PDE7B: variants seen among roughly 807,000 people sequenced by gnomAD.
PDE7B encodes 3',5'-cyclic-AMP phosphodiesterase 7B.
In PDE7B, 29 loss-of-function variants were observed where a neutral mutation model predicts 56.2. That is an observed-to-expected ratio of 0.52 (90% CI 0.38 to 0.70). The LOEUF (loss-of-function observed/expected upper bound fraction) is 0.70. Among genes scored for constraint, PDE7B ranks in the 30% least tolerant of loss-of-function variants. The pLI, the probability that PDE7B is intolerant of heterozygous loss-of-function variation, is 0.00. For missense variants in PDE7B, 490 were observed against 565.0 expected, an observed-to-expected ratio of 0.87 and a Z score of 1.35; for synonymous variants, 197 against 196.9, an observed-to-expected ratio of 1.00 and a Z score of 0.00.
At chr6:136,052,510 A>G (rs906771205) in intron 2 of PDE7B, among the ~76,000 whole-genome samples, 1 of 152,066 alleles carries the variant, frequency 6.6e-6, no homozygotes, top group African/African-American at 2.4e-5. Context: ...AGGAGTTCCA[A>G]CTGGGGCCCA....
At position 136,050,039 on chromosome 6, in the gene PDE7B, G is replaced by A. The variant is rs1359485339; in HGVS notation, c.83-58692G>A. On this transcript the variant is annotated intron_variant, in intron 2 of 12. Transcript: ENST00000308191. ...TTGACTGCACAAGGGCCAACTCGAG[G>A]TCCCTTGACATCCAGCCATGCCATT... Among the ~76,000 whole-genome samples, 10 of 152,068 alleles carry A rather than the reference G, an allele frequency of 6.6e-5. 2 individuals carry two copies. The South Asian group carries it at 1.7e-3, about 25-fold the overall frequency.
chr6:136,128,448 C>T (rs1176780014), intron 3 of PDE7B, among the ~76,000 whole-genome samples: 5 of 152,064 alleles, frequency 3.3e-5, no homozygotes, highest in Non-Finnish European at 5.9e-5. Flanking sequence ...ACTTGTTACA[C>T]GTGTTTTACT....
chr6:136,028,963 A>G (rs1229516441), intron 2 of PDE7B, among the ~76,000 whole-genome samples: 1 of 152,218 alleles, frequency 6.6e-6, no homozygotes. Context: ...TATGACTTCC[A>G]CAGAAATTTT....
At chr6:136,069,547 C>A (rs758360726) in intron 2 of PDE7B, among the ~76,000 whole-genome samples, 3 of 152,170 alleles carry the variant, frequency 2.0e-5, no homozygotes, top group Non-Finnish European at 4.4e-5. Context: ...TATAAATGTG[C>A]AGAGTTTTTA....
intron 2 of PDE7B, among the ~76,000 whole-genome samples, chr6:136,018,920 C>T (rs988183768): frequency 2.0e-5 from 3 of 152,030 alleles, no homozygotes; most frequent in African/African-American, 4.8e-5. Context: ...TGTGGCCAAG[C>T]ATCTCCCATG....
chr6:136,053,055 C>T (rs1399324139), intron 2 of PDE7B, among the ~76,000 whole-genome samples: 1 of 152,098 alleles, frequency 6.6e-6, no homozygotes, highest in Non-Finnish European at 1.5e-5. Flanking sequence ...TTAATGGACT[C>T]ACATTTTTTT....
chr6:135,879,031 T>A (rs1039855194), intron 1 of PDE7B, among the ~76,000 whole-genome samples: 14 of 152,138 alleles, frequency 9.2e-5, no homozygotes, highest in African/African-American at 2.9e-4. Context: ...TTTACCCATG[T>A]AAAATTTTAT....
intron 2 of PDE7B, among the ~76,000 whole-genome samples, chr6:135,972,401 C>T (rs1775110222): frequency 6.6e-6 from 1 of 151,984 alleles, no homozygotes; most frequent in Non-Finnish European, 1.5e-5. Flanking sequence ...AATCCAAGTT[C>T]ATGTGATTTT....
intron 2 of PDE7B, among the ~76,000 whole-genome samples, chr6:135,963,451 A>G (rs532403928): frequency 6.6e-6 from 1 of 152,306 alleles, no homozygotes; most frequent in South Asian, 2.1e-4. Flanking sequence ...TGAGTGTCCT[A>G]ATGTCTGCCT....
Position 136,153,175 on chromosome 6 carries a change from A to T in PDE7B, c.479-900A>T, listed in dbSNP as rs1778549715. Among the ~76,000 whole-genome samples, 4 of 152,188 alleles carry T rather than the reference A, an allele frequency of 2.6e-5. No individual in the cohort carries two copies. In the South Asian group the frequency reaches 8.3e-4, roughly 32 times the overall value. On this transcript the variant is annotated intron_variant, in intron 6 of 12. Coordinates refer to ENST00000308191, the MANE Select transcript of PDE7B (RefSeq NM_018945.4). ...CCATGCATAGGGCCAAATAATTTTG[A>T]TTTGTCTGAAAAGGGAGATACAGAT...
chr6:136,142,167 C>T (rs1404445518), intron 3 of PDE7B, among the ~76,000 whole-genome samples: 8 of 151,982 alleles, frequency 5.3e-5, no homozygotes, highest in Non-Finnish European at 1.2e-4. Context: ...TTTGTTCTCA[C>T]TGGTTTCAAA....
At chr6:135,886,367 A>G (rs900155576) in intron 1 of PDE7B, among the ~76,000 whole-genome samples, 1 of 151,994 alleles carries the variant, frequency 6.6e-6, no homozygotes, top group Non-Finnish European at 1.5e-5. Context: ...CCCTTAAGGA[A>G]TATTTGCAAA....
intron 6 of PDE7B, among the ~76,000 whole-genome samples, chr6:136,152,493 C>G (rs1277566529): frequency 3.9e-5 from 6 of 152,144 alleles, no homozygotes; most frequent in African/African-American, 1.4e-4. Context: ...CATTACTTGC[C>G]CAAGGCCAAC....
At chr6:136,105,605 C>G (rs1345014473) in intron 2 of PDE7B, among the ~76,000 whole-genome samples, 1 of 152,164 alleles carries the variant, frequency 6.6e-6, no homozygotes, top group Non-Finnish European at 1.5e-5. Flanking sequence ...TTTTCACATA[C>G]CTTATAATTT....
chr6:136,100,803 T>C (rs910684964), intron 2 of PDE7B, among the ~76,000 whole-genome samples: 7 of 152,222 alleles, frequency 4.6e-5, no homozygotes, highest in African/African-American at 9.6e-5. Flanking sequence ...TCCAATACTA[T>C]ATTGAATAGG....
chr6:135,962,782 C>T (rs1232741819), intron 2 of PDE7B, among the ~76,000 whole-genome samples: 2 of 152,150 alleles, frequency 1.3e-5, no homozygotes, highest in Non-Finnish European at 2.9e-5. Flanking sequence ...TTAAACCTCT[C>T]TCACAAAGTC....
intron 8 of PDE7B, among the ~76,000 whole-genome samples, chr6:136,160,121 C>T (rs1230262580): frequency 6.6e-6 from 1 of 152,060 alleles, no homozygotes; most frequent in East Asian, 1.9e-4. Context: ...AAGGTAGATG[C>T]TTACTCCTTC....
At chr6:135,945,548 C>T (rs1562448646) in intron 1 of PDE7B, among the ~76,000 whole-genome samples, 1 of 152,180 alleles carries the variant, frequency 6.6e-6, no homozygotes, top group Non-Finnish European at 1.5e-5. Flanking sequence ...ATCATCCTTT[C>T]TCCTCTCAAC....
At chr6:135,940,834 G>C (rs1329659955) in intron 1 of PDE7B, among the ~76,000 whole-genome samples, 2 of 152,170 alleles carry the variant, frequency 1.3e-5, no homozygotes, top group East Asian at 3.8e-4. Context: ...TGCTACCCCA[G>C]AAAACTTCAG....
Sources: gnomAD v4.1 joint callset for allele counts (sites outside exome capture counted in the v4.1 genomes callset) on GRCh38, gnomAD v4.1.1 for gene constraint, MANE v1.5 for transcripts, NCBI Gene and HGNC (gene_info 2026-07-23, HGNC 2026-07-21) for gene names.